The following VSIG1 variants were observed in gnomAD, a reference collection of about 807,000 sequenced individuals.
VSIG1 encodes V-set and immunoglobulin domain-containing protein 1.
In VSIG1, 11 loss-of-function variants were observed where a neutral mutation model predicts 20.1. That is an observed-to-expected ratio of 0.55 (90% CI 0.34 to 0.91). VSIG1 has a LOEUF of 0.91. Among genes scored for constraint, VSIG1 ranks in the 40% least tolerant of loss-of-function variants. VSIG1 has a pLI of 0.02. For missense variants in VSIG1, 283 were observed against 298.8 expected (o/e 0.95, Z 0.39); for synonymous variants, 126 against 116.7 (o/e 1.08, Z -0.52).
chrX:108,061,617 A>G, intron 2 of VSIG1: 1 of 807,726 alleles, frequency 1.2e-6, no homozygotes, highest in Non-Finnish European at 1.8e-6. Context: ...TAGGAATGGG[A>G]TGGGAGGGTC....
At chrX:108,061,922 A>G (rs2031036619) in intron 2 of VSIG1, among the ~76,000 whole-genome samples, 1 of 110,573 alleles carries the variant, frequency 9.0e-6, no homozygotes, top group African/African-American at 3.3e-5. Context: ...GAAGTATCCC[A>G]CAGGTCTTCC....
upstream of VSIG1, among the ~76,000 whole-genome samples, chrX:108,043,557 A>C (rs866807980): frequency 2.1e-4 from 24 of 112,043 alleles, no homozygotes; most frequent in African/African-American, 7.8e-4. Context: ...GGTTCATTGA[A>C]ATTCTCACAT....
intron 2 of VSIG1, among the ~76,000 whole-genome samples, chrX:108,062,708 C>T (rs1299877427): frequency 9.0e-6 from 1 of 111,617 alleles, no homozygotes; most frequent in African/African-American, 3.3e-5. Flanking sequence ...CCCTGCACCA[C>T]AATACAGTCC....
At chrX:108,069,051 T>C (rs1409281865) in intron 3 of VSIG1, among the ~76,000 whole-genome samples, 2 of 111,923 alleles carry the variant, frequency 1.8e-5, no homozygotes, top group Non-Finnish European at 3.8e-5. Flanking sequence ...TTCTGTTGCT[T>C]CCTGGTTCTG....
chrX:108,055,785 T>C (rs181617176), intron 1 of VSIG1, among the ~76,000 whole-genome samples: 8 of 112,039 alleles, frequency 7.1e-5, no homozygotes, highest in African/African-American at 2.3e-4. Context: ...CTCAGCAAGT[T>C]AGGAATAGAG....
intron 2 of VSIG1, among the ~76,000 whole-genome samples, chrX:108,058,901 A>T (rs1174666100): frequency 9.0e-6 from 1 of 111,254 alleles, no homozygotes; most frequent in East Asian, 2.9e-4. Flanking sequence ...TTTAGCCCAA[A>T]GATTCAAATT....
At chrX:108,055,938 A>G (rs1396335477) in intron 1 of VSIG1, among the ~76,000 whole-genome samples, 3 of 110,830 alleles carry the variant, frequency 2.7e-5, no homozygotes, top group African/African-American at 9.8e-5. Flanking sequence ...CTGAAGGAGA[A>G]TCTGTGCCAT....
intron 1 of VSIG1, among the ~76,000 whole-genome samples, chrX:108,050,919 G>A (rs1478322453): frequency 9.0e-6 from 1 of 111,159 alleles, no homozygotes; most frequent in Non-Finnish European, 1.9e-5. Context: ...GAAAAACAAA[G>A]AGCAAGGGTA....
At chrX:108,044,398 ACTT>A (rs761477175), upstream of VSIG1, among the ~76,000 whole-genome samples, 24 of 111,778 alleles carry the variant, frequency 2.1e-4, no homozygotes, top group Admixed American at 2.0e-3. Context: ...AAAAAATCAG[ACTT>A]CTCCAAAGAA....
At chrX:108,067,822 T>A (rs1431301289) in intron 3 of VSIG1, among the ~76,000 whole-genome samples, 1 of 112,189 alleles carries the variant, frequency 8.9e-6, no homozygotes, top group African/African-American at 3.2e-5. Flanking sequence ...CCTTACAATC[T>A]CTGTCTGAGA....
chrX:108,047,764 TTCTCTCTCTCTC>T (rs1178957774), intron 1 of VSIG1, among the ~76,000 whole-genome samples: 2 of 61,245 alleles, frequency 3.3e-5, no homozygotes, highest in African/African-American at 1.6e-4. Flanking sequence ...ATACAAGACA[TTCTCTCTCTCTC>T]TCTCTCTCTC....
the VSIG1 span, among the ~76,000 whole-genome samples, chrX:108,019,944 G>A: frequency 4.5e-5 from 5 of 111,573 alleles, no homozygotes; most frequent in Non-Finnish European, 9.4e-5. Context: ...CCACACAGGA[G>A]AGTCTCTCCT....
At position 108,077,341 on chromosome X, in the gene VSIG1, A is replaced by G; in HGVS notation, c.1124A>G (p.Glu375Gly). 2 of 1,212,056 alleles carry G rather than the reference A, an allele frequency of 1.7e-6. No homozygotes were observed. Among genetic ancestry groups the G allele is most frequent in the African/African-American group, 1.7e-5 (1 of 57,869 alleles). ...GAGTCAGAGCCTGGGGTTGTAGTTG[A>G]GCCCTTAAGTGAAGATGAAAAGGGA... Reference protein sequence around the residue: ...EPESEPGVVVEPLSEDEKGVV... With the variant: ...EPESEPGVVVGPLSEDEKGVV... The change falls in exon 7 of 7, where the codon GAG (glutamate) becomes GGG (glycine). Residue 375 changes from glutamate to glycine, a missense_variant. Physicochemically the swap from Glu to Gly is moderately conservative, Grantham distance 98. Coordinates refer to ENST00000217957, the MANE Select transcript of VSIG1 (RefSeq NM_182607.5).
intron 1 of VSIG1, 93 bp downstream of exon 1, chrX:108,045,272 C>T: frequency 1.1e-5 from 8 of 711,821 alleles, no homozygotes; most frequent in Non-Finnish European, 1.6e-5. Flanking sequence ...ATTTTCATCT[C>T]CTGTACTTCA....
chrX:108,070,987 T>A (rs1030857584), intron 3 of VSIG1, among the ~76,000 whole-genome samples: 7 of 111,800 alleles, frequency 6.3e-5, no homozygotes, highest in African/African-American at 2.3e-4. Flanking sequence ...AAATTCCAGG[T>A]TCTAGGCCCT....
At chrX:108,063,367 T>C (rs1456245516) in intron 2 of VSIG1, among the ~76,000 whole-genome samples, 2 of 111,418 alleles carry the variant, frequency 1.8e-5, no homozygotes, top group Non-Finnish European at 3.8e-5. Flanking sequence ...TGTGTGACCT[T>C]GGGAAAATGG....
intron 1 of VSIG1, among the ~76,000 whole-genome samples, chrX:108,056,660 T>C (rs925444325): frequency 8.9e-6 from 1 of 112,492 alleles, no homozygotes; most frequent in African/African-American, 3.2e-5. Context: ...ATTTGAGAAA[T>C]GCAAATTAAA....
chrX:108,048,247 C>T (rs1039869630), intron 1 of VSIG1, among the ~76,000 whole-genome samples: 1 of 108,949 alleles, frequency 9.2e-6, no homozygotes, highest in Non-Finnish European at 1.9e-5. Context: ...AGGCGACCCG[C>T]CCACCTCAGC....
intron 1 of VSIG1, among the ~76,000 whole-genome samples, chrX:108,049,414 A>G (rs1169412560): frequency 8.9e-6 from 1 of 112,006 alleles, no homozygotes; most frequent in Non-Finnish European, 1.9e-5. Context: ...TTGTTTCCCC[A>G]GTGTTCAGCA....
Sources: gnomAD v4.1 joint callset for allele counts (sites outside exome capture counted in the v4.1 genomes callset) on GRCh38, gnomAD v4.1.1 for gene constraint, MANE v1.5 for transcripts, NCBI Gene and HGNC (gene_info 2026-07-23, HGNC 2026-07-21) for gene names.